The following TRPM3 variants were observed in gnomAD, a reference collection of about 807,000 sequenced individuals.
TRPM3 encodes transient receptor potential cation channel subfamily M member 3.
A neutral mutation model predicts 181.2 loss-of-function variants in TRPM3; 77 were observed. The ratio of observed to expected loss-of-function variants is 0.42; its 90% CI spans 0.35 to 0.51. The LOEUF is 0.51. Ranked by LOEUF, TRPM3 falls within the 20% of genes least tolerant of loss-of-function variation. TRPM3 has a pLI of 0.01. For missense variants in TRPM3, 1,759 were observed against 2,196.7 expected (o/e 0.80, Z 3.98); for synonymous variants, 745 against 796.4 (o/e 0.94, Z 1.09).
intron 9 of TRPM3, among the ~76,000 whole-genome samples, chr9:70,669,956 C>G (rs1401638540): frequency 6.6e-6 from 1 of 152,066 alleles, no homozygotes; most frequent in Non-Finnish European, 1.5e-5. Flanking sequence ...AGGCTGGTCT[C>G]AAAATGCTTG....
At chr9:71,216,485 T>C (rs987883296) in intron 1 of TRPM3, among the ~76,000 whole-genome samples, 6 of 152,250 alleles carry the variant, frequency 3.9e-5, no homozygotes, top group African/African-American at 1.4e-4. Context: ...TAAAATGTTA[T>C]GAATTTTACT....
chr9:71,306,235 T>C (rs2087304722), intron 1 of TRPM3, among the ~76,000 whole-genome samples: 1 of 152,146 alleles, frequency 6.6e-6, no homozygotes, highest in Admixed American at 6.5e-5. Flanking sequence ...AAAATCAAAA[T>C]CATGCAGTCT....
intron 22 of TRPM3, among the ~76,000 whole-genome samples, chr9:70,583,847 C>T (rs1413897979): frequency 6.6e-6 from 1 of 152,180 alleles, no homozygotes; most frequent in East Asian, 1.9e-4. Context: ...GGCTAAGTTA[C>T]TCTCACCGTA....
chr9:70,861,970 A>G (rs2095532992), intron 3 of TRPM3, among the ~76,000 whole-genome samples: 1 of 151,990 alleles, frequency 6.6e-6, no homozygotes, highest in Non-Finnish European at 1.5e-5. Context: ...GAGGAGAGAG[A>G]CAGGGAAGGG....
At chr9:70,594,072 C>CA (rs2058585658) in intron 21 of TRPM3, among the ~76,000 whole-genome samples, 1 of 146,692 alleles carries the variant, frequency 6.8e-6, no homozygotes, top group African/African-American at 2.5e-5. Context: ...AAAACTCACA[C>CA]AAAACGAGTA....
chr9:70,967,074 TCTTCTGGAA>T (rs754630770), intron 1 of TRPM3, among the ~76,000 whole-genome samples: 101 of 152,170 alleles, frequency 6.6e-4, no homozygotes, highest in Non-Finnish European at 1.3e-3. Context: ...CTTGTGAAAT[TCTTCTGGAA>T]CTTCTGGAAC....
chr9:71,226,869 A>C (rs1186141404), intron 1 of TRPM3, among the ~76,000 whole-genome samples: 1 of 152,032 alleles, frequency 6.6e-6, no homozygotes, highest in Non-Finnish European at 1.5e-5. Context: ...AATCAAACTT[A>C]ATCTGCACTA....
At chr9:71,344,766 C>G (rs1223988559) in intron 1 of TRPM3, among the ~76,000 whole-genome samples, 1 of 152,096 alleles carries the variant, frequency 6.6e-6, no homozygotes, top group Non-Finnish European at 1.5e-5. Context: ...TTCTGCTCAT[C>G]ACATAACACT....
intron 1 of TRPM3, among the ~76,000 whole-genome samples, chr9:70,926,404 C>T (rs920377888): frequency 1.3e-5 from 2 of 152,072 alleles, no homozygotes; most frequent in Non-Finnish European, 2.9e-5. Context: ...AATGCATGAA[C>T]CCTTTTGTAT....
At chr9:70,853,992 CT>C (rs1483912508) in intron 3 of TRPM3, among the ~76,000 whole-genome samples, 2 of 152,152 alleles carry the variant, frequency 1.3e-5, no homozygotes, top group Non-Finnish European at 2.9e-5. Context: ...AGATCAGTTC[CT>C]TTTGTAAGCT....
intron 17 of TRPM3, among the ~76,000 whole-genome samples, chr9:70,618,236 G>A (rs1422417411): frequency 2.6e-5 from 4 of 152,136 alleles, no homozygotes; most frequent in Non-Finnish European, 5.9e-5. Context: ...GGTAACCACT[G>A]CGGACAATTT....
intron 1 of TRPM3, among the ~76,000 whole-genome samples, chr9:70,883,424 T>C (rs1444920172): frequency 6.6e-6 from 1 of 152,146 alleles, no homozygotes; most frequent in East Asian, 1.9e-4. Flanking sequence ...TTAGCAGAAA[T>C]TGAGAGAGGA....
chr9:71,379,760 T>C (rs10869016), intron 1 of TRPM3, among the ~76,000 whole-genome samples: 27,887 of 151,856 alleles, frequency 0.18, 2,855 homozygotes, highest in East Asian at 0.34. Context: ...TAAACTTACA[T>C]ATACATCTGT....
In TRPM3 at chr9:70,644,923, C is replaced by T. The variant is rs562653384; in HGVS notation, c.1346-4263G>A. Among the ~76,000 whole-genome samples, 48 of 152,244 alleles carry T rather than the reference C, an allele frequency of 3.2e-4. No homozygotes were observed. The South Asian group carries it at 9.7e-3, about 31-fold the overall frequency. ...TTTCTATACCTCAATAATAGACAAA[C>T]AGAAAGCCAAATCATGAGTGAACTC... On this transcript the variant is annotated intron_variant, in intron 9 of 25. Transcript: ENST00000677713.
intron 1 of TRPM3, among the ~76,000 whole-genome samples, chr9:71,034,045 G>A (rs2057871244): frequency 6.6e-6 from 1 of 152,200 alleles, no homozygotes; most frequent in South Asian, 2.1e-4. Context: ...TGCAGACATG[G>A]AGAGAATGTG....
In TRPM3 at chr9:70,784,231, G is replaced by T; in HGVS notation, c.1022C>A (p.Pro341His). 6.2e-7 allele frequency: 1 copy of T among 1,613,374 alleles called. No individual in the cohort carries two copies. The highest frequency in any genetic ancestry group is 8.5e-7 in the Non-Finnish European group (1 of 1,179,592). The change falls in exon 7 of 26, where the codon CCC becomes CAC. Residue 341 changes from proline to histidine, a missense_variant. Physicochemically the swap from Pro to His is moderately conservative, Grantham distance 77. This residue lies in a region of TRPM3 where 737 missense variants were observed against 957.4 expected (regional missense o/e 0.77). Coordinates refer to ENST00000677713, the MANE Select transcript of TRPM3 (RefSeq NM_001366145.2). ...CTCCAAAACAATCGAGATCACATTG[G>T]GTCCTCCTTCCACTATGAGTGCCAC... Reference protein sequence around the residue: ...PVVALIVEGGPNVISIVLEYL... With the variant: ...PVVALIVEGGHNVISIVLEYL...
chr9:70,971,903 C>T (rs2097251302), intron 1 of TRPM3, among the ~76,000 whole-genome samples: 1 of 152,114 alleles, frequency 6.6e-6, no homozygotes, highest in African/African-American at 2.4e-5. Context: ...AACTTCACAC[C>T]AACCAGGATG....
intron 3 of TRPM3, among the ~76,000 whole-genome samples, chr9:70,849,905 G>A (rs559549666): frequency 2.0e-5 from 3 of 152,080 alleles, no homozygotes; most frequent in Non-Finnish European, 2.9e-5. Context: ...CTATTCTTTC[G>A]TTAAAGTATA....
chr9:71,399,840 T>C (rs2093300686), intron 1 of TRPM3, among the ~76,000 whole-genome samples: 1 of 152,202 alleles, frequency 6.6e-6, no homozygotes, highest in Non-Finnish European at 1.5e-5. Context: ...CTATATTTTC[T>C]TTTCGTTTCC....
Sources: gnomAD v4.1 joint callset for allele counts (sites outside exome capture counted in the v4.1 genomes callset) on GRCh38, gnomAD v4.1.1 for gene constraint, gnomAD v4.1.1 regional missense constraint, MANE v1.5 for transcripts, NCBI Gene and HGNC (gene_info 2026-07-23, HGNC 2026-07-21) for gene names.